Variants in FAR2 observed in about 807,000 individuals in gnomAD.
The protein encoded by FAR2 is fatty acyl-CoA reductase 2.
In FAR2, 19 loss-of-function variants were observed where a neutral mutation model predicts 56.0. The ratio of observed to expected loss-of-function variants is 0.34; its 90% confidence interval spans 0.24 to 0.50. The LOEUF is 0.50. Among genes scored for constraint, FAR2 ranks in the 20% least tolerant of loss-of-function variants. FAR2 has a pLI of 0.98. For missense variants in FAR2, 508 were observed against 642.2 expected (o/e 0.79, Z 2.26); for synonymous variants, 219 against 218.8 (o/e 1.00, Z -0.01).
At chr12:29,330,950 A>T (rs1949722912) in intron 10 of FAR2, among the ~76,000 whole-genome samples, 1 of 152,220 alleles carries the variant, frequency 6.6e-6, no homozygotes, top group Non-Finnish European at 1.5e-5. Context: ...CAAAAAAGAA[A>T]CACTTTTGGT....
At chr12:29,207,562 A>G (rs979466385) in intron 1 of FAR2, among the ~76,000 whole-genome samples, 1 of 152,070 alleles carries the variant, frequency 6.6e-6, no homozygotes, top group Non-Finnish European at 1.5e-5. Flanking sequence ...GTTTCCATTT[A>G]CTTGCTACTA....
intron 1 of FAR2, among the ~76,000 whole-genome samples, chr12:29,196,269 T>C (rs1950142906): frequency 6.6e-6 from 1 of 152,152 alleles, no homozygotes; most frequent in Admixed American, 6.5e-5. Context: ...TGCCTACTGT[T>C]TTCCATAGAG....
intron 3 of FAR2, 50 bp downstream of exon 3, chr12:29,293,525 A>T: frequency 7.7e-7 from 1 of 1,303,998 alleles, no homozygotes; most frequent in Middle Eastern, 2.0e-4. Context: ...TGTGCATGTA[A>T]ATTTCTTCAT....
intron 1 of FAR2, among the ~76,000 whole-genome samples, chr12:29,230,834 G>A (rs533887392): frequency 6.6e-6 from 1 of 152,314 alleles, no homozygotes; most frequent in South Asian, 2.1e-4. Context: ...GTGAAGGGAA[G>A]AGACTGTGAG....
chr12:29,288,980 A>G (rs1237208575), intron 2 of FAR2, among the ~76,000 whole-genome samples: 13 of 152,196 alleles, frequency 8.5e-5, no homozygotes, highest in Admixed American at 8.5e-4. Context: ...TAACTTGACC[A>G]GAGAAGTGAA....
At chr12:29,232,093 G>C (rs1394705417) in intron 1 of FAR2, among the ~76,000 whole-genome samples, 1 of 152,196 alleles carries the variant, frequency 6.6e-6, no homozygotes, top group Non-Finnish European at 1.5e-5. Context: ...CCCTAGGAGA[G>C]AACAAGTGCA....
intron 1 of FAR2, among the ~76,000 whole-genome samples, chr12:29,160,286 A>C (rs1453403319): frequency 6.6e-6 from 1 of 152,202 alleles, no homozygotes; most frequent in African/African-American, 2.4e-5. Flanking sequence ...TCAGTGATTC[A>C]TGAGCATTAC....
In FAR2 at chr12:29,333,767, T is replaced by C. The variant is rs778841120; in HGVS notation, c.1521T>C (p.Phe507=). The change falls in exon 12 of 12, where the codon TTT becomes TTC. Residue 507 remains phenylalanine (F), a synonymous_variant. Coordinates refer to ENST00000536681, the MANE Select transcript of FAR2 (RefSeq NM_001271783.2). ...TCTGTTATAAATTCCTCTCCTACTT[T>C]AGAGCATCCAGCACGCTCAAAGTTT... ...VSFCYKFLSY[F]RASSTLKV 1.2e-5 allele frequency: 20 copies of C among 1,613,810 alleles called. No individual in the cohort carries two copies. Among genetic ancestry groups the C allele is most frequent in the Non-Finnish European group, 1.7e-5 (20 of 1,179,726 alleles).
At chr12:29,273,776 C>T (rs535639148) in intron 2 of FAR2, among the ~76,000 whole-genome samples, 2 of 152,332 alleles carry the variant, frequency 1.3e-5, no homozygotes, top group Non-Finnish European at 2.9e-5. Flanking sequence ...GCCCTGGTGG[C>T]CTGGGTTCCG....
chr12:29,150,115 C>G (rs1949670557), intron 1 of FAR2, among the ~76,000 whole-genome samples: 1 of 152,134 alleles, frequency 6.6e-6, no homozygotes, highest in Admixed American at 6.5e-5. Flanking sequence ...GGAGCAGGTG[C>G]CAGCAGACTC....
intron 1 of FAR2, chr12:29,223,691 G>A (rs184191826): frequency 6.6e-6 from 1 of 152,324 alleles, no homozygotes; most frequent in Non-Finnish European, 1.5e-5. Context: ...TCAGCTTGGG[G>A]TGAGCTGCAC....
intron 1 of FAR2, among the ~76,000 whole-genome samples, chr12:29,258,435 T>C (rs977436201): frequency 5.9e-5 from 9 of 152,204 alleles, no homozygotes; most frequent in Admixed American, 5.2e-4. Flanking sequence ...ATTGACATTA[T>C]TTTGAATATT....
chr12:29,173,349 A>T (rs1056914663), intron 1 of FAR2, among the ~76,000 whole-genome samples: 3 of 152,112 alleles, frequency 2.0e-5, no homozygotes, highest in African/African-American at 7.2e-5. Context: ...CTTATCATTA[A>T]TAGGAAGGGG....
chr12:29,253,393 A>G (rs1948266237), intron 1 of FAR2, among the ~76,000 whole-genome samples: 1 of 143,796 alleles, frequency 7.0e-6, no homozygotes, highest in South Asian at 2.2e-4. Flanking sequence ...ATAGATAGAT[A>G]TCTAGATAGA....
At chr12:29,219,773 C>A (rs1265112157) in intron 1 of FAR2, among the ~76,000 whole-genome samples, 1 of 152,092 alleles carries the variant, frequency 6.6e-6, no homozygotes, top group Non-Finnish European at 1.5e-5. Flanking sequence ...CCAGAAGACC[C>A]CCAAAGGAGG....
rs897855328 is a variant in FAR2 at position 29,333,973 on chromosome 12, T to G, written c.*179T>G. On this transcript the variant is annotated 3_prime_UTR_variant, in exon 12 of 12. Transcript: ENST00000536681. ...TATTTCAGTGAGAGAAGGAAAGTTGTAAACTAGCCCATAGTCACCTATATT... is the reference window on the plus strand; with the variant it reads ...TATTTCAGTGAGAGAAGGAAAGTTGGAAACTAGCCCATAGTCACCTATATT... The G allele has an allele frequency of 1.8e-6, 1 of 541,642 alleles. No individual in the cohort carries two copies. The highest frequency in any genetic ancestry group is 3.1e-6 in the Non-Finnish European group (1 of 324,030). The allele number at this position is 541,642 out of a possible 1,614,324, so 33.6% of individuals were successfully genotyped here. A position where few individuals can be genotyped will look rare whatever the true frequency, so the allele number is the denominator to read the frequency against.
intron 1 of FAR2, among the ~76,000 whole-genome samples, chr12:29,207,818 C>A (rs1947493172): frequency 6.6e-6 from 1 of 152,152 alleles, no homozygotes; most frequent in South Asian, 2.1e-4. Flanking sequence ...TTCTGTTAGA[C>A]CTTTAAAGAA....
At chr12:29,332,191 G>A (rs10843388) in intron 10 of FAR2, among the ~76,000 whole-genome samples, 30,511 of 152,062 alleles carry the variant, frequency 0.2, 5,109 homozygotes, top group African/African-American at 0.46. Context: ...GTAGAACAAA[G>A]GGATAACACC....
At chr12:29,206,449 C>G (rs1253458477) in intron 1 of FAR2, among the ~76,000 whole-genome samples, 1 of 152,332 alleles carries the variant, frequency 6.6e-6, no homozygotes, top group East Asian at 1.9e-4. Context: ...CCTGAGAGCC[C>G]TGCCCCATGG....
Sources: allele counts gnomAD v4.1 joint callset (sites outside exome capture counted in the v4.1 genomes callset), GRCh38; gene constraint gnomAD v4.1.1; transcripts MANE v1.5; gene names NCBI Gene and HGNC (gene_info 2026-07-23, HGNC 2026-07-21).